Variants in GRID1 observed in about 807,000 individuals in gnomAD.
GRID1 encodes glutamate receptor ionotropic, delta-1.
Under a neutral mutation model 98.0 loss-of-function variants are expected in GRID1, and 28 were observed. The ratio of observed to expected loss-of-function variants is 0.29; its 90% CI spans 0.21 to 0.39. The LOEUF (loss-of-function observed/expected upper bound fraction) is 0.39. Among genes scored for constraint, GRID1 ranks in the 10% least tolerant of loss-of-function variants. The pLI is 1.00. For synonymous variants in GRID1, 553 were observed against 538.5 expected (o/e 1.03, Z -0.37); for missense variants, 1,111 against 1,340.5 (o/e 0.83, Z 2.67).
intron 2 of GRID1, among the ~76,000 whole-genome samples, chr10:86,275,381 C>T (rs929355431): frequency 9.2e-5 from 14 of 151,558 alleles, no homozygotes; most frequent in African/African-American, 3.4e-4. Flanking sequence ...AACAAGAAAA[C>T]ATGGCCCATT....
chr10:85,969,624 T>A (rs1842381885), intron 4 of GRID1, among the ~76,000 whole-genome samples: 1 of 151,814 alleles, frequency 6.6e-6, no homozygotes, highest in Non-Finnish European at 1.5e-5. Context: ...ACAAAGAAAA[T>A]TTTTTAAAAC....
intron 4 of GRID1, among the ~76,000 whole-genome samples, chr10:85,976,243 C>T (rs762682450): frequency 1.8e-4 from 27 of 152,190 alleles, no homozygotes; most frequent in Non-Finnish European, 3.8e-4. Flanking sequence ...GTGATCATTT[C>T]CTGTAGCAAT....
intron 8 of GRID1, among the ~76,000 whole-genome samples, chr10:85,803,547 A>G (rs1165261440): frequency 1.3e-5 from 2 of 152,068 alleles, no homozygotes; most frequent in Non-Finnish European, 2.9e-5. Context: ...CAAGCAGAAA[A>G]TATTCTGTGA....
chr10:85,808,882 T>C (rs1842644884), intron 8 of GRID1, among the ~76,000 whole-genome samples: 1 of 151,984 alleles, frequency 6.6e-6, no homozygotes. Flanking sequence ...AGAGATAAAA[T>C]AGTCAATAGA....
chr10:86,235,843 G>T (rs1176450033), intron 2 of GRID1, among the ~76,000 whole-genome samples: 1 of 152,208 alleles, frequency 6.6e-6, no homozygotes, highest in Non-Finnish European at 1.5e-5. Flanking sequence ...ACATAATGCT[G>T]CTATGAACAT....
At chr10:85,987,952 G>A (rs1842632675) in intron 4 of GRID1, among the ~76,000 whole-genome samples, 1 of 152,094 alleles carries the variant, frequency 6.6e-6, no homozygotes, top group Non-Finnish European at 1.5e-5. Context: ...CTCCATGAAA[G>A]TGGGTAATCA....
intron 4 of GRID1, among the ~76,000 whole-genome samples, chr10:86,115,548 T>C (rs1021216955): frequency 6.6e-6 from 1 of 152,334 alleles, no homozygotes; most frequent in East Asian, 1.9e-4. Flanking sequence ...AGGTAGGTAA[T>C]CTCATTACCC....
At chr10:86,225,967 G>A (rs1425343651) in intron 2 of GRID1, among the ~76,000 whole-genome samples, 1 of 152,114 alleles carries the variant, frequency 6.6e-6, no homozygotes, top group Non-Finnish European at 1.5e-5. Flanking sequence ...GGGGCCTCAT[G>A]GGGACCCACT....
chr10:85,735,883 GGGAGGGAA>G (rs1564574470), intron 8 of GRID1, among the ~76,000 whole-genome samples: 1 of 145,242 alleles, frequency 6.9e-6, no homozygotes, highest in Non-Finnish European at 1.5e-5. Flanking sequence ...GAAGGATGGA[GGGAGGGAA>G]GGAGGGAAAG....
intron 3 of GRID1, among the ~76,000 whole-genome samples, chr10:86,150,157 TC>T (rs1006661083): frequency 6.6e-6 from 1 of 152,192 alleles, no homozygotes. Flanking sequence ...GCATGGCATT[TC>T]CCCACAAGCT....
chr10:86,355,622 G>A (rs1055841490), intron 2 of GRID1, among the ~76,000 whole-genome samples: 3 of 152,186 alleles, frequency 2.0e-5, no homozygotes, highest in African/African-American at 4.8e-5. Context: ...CACACCTCAG[G>A]CCCAGAAAGG....
chr10:85,840,089 C>G lies in GRID1; in HGVS notation c.1233+14407G>C, dbSNP rs1658954259. Among the ~76,000 whole-genome samples, 4 of 152,004 alleles carry G rather than the reference C, an allele frequency of 2.6e-5. No homozygotes were observed. The South Asian group carries it at 8.3e-4, about 32-fold the overall frequency. ...AAACCCTGAACAGACTAATAATGAG[C>G]TCTGAAATTGAGGCCATAATAAATA... On this transcript the variant is annotated intron_variant, in intron 8 of 15. Transcript: ENST00000327946.
intron 5 of GRID1, among the ~76,000 whole-genome samples, chr10:85,888,025 T>G (rs367884504): frequency 7.2e-5 from 11 of 152,268 alleles, no homozygotes; most frequent in African/African-American, 2.6e-4. Flanking sequence ...AATTTTCAAT[T>G]AGCTCTTTAC....
chr10:86,111,439 G>C (rs1379709990), intron 4 of GRID1, among the ~76,000 whole-genome samples: 1 of 152,174 alleles, frequency 6.6e-6, no homozygotes, highest in Non-Finnish European at 1.5e-5. Context: ...AGGAATAGTT[G>C]CAACACAACA....
intron 8 of GRID1, among the ~76,000 whole-genome samples, chr10:85,771,271 C>T (rs1020027884): frequency 3.5e-4 from 54 of 152,274 alleles, no homozygotes; most frequent in African/African-American, 1.2e-3. Context: ...CAAGCAAATG[C>T]TGAGAGATTT....
intron 12 of GRID1, among the ~76,000 whole-genome samples, chr10:85,679,566 C>T (rs1396531963): frequency 6.6e-6 from 1 of 152,138 alleles, no homozygotes; most frequent in East Asian, 1.9e-4. Flanking sequence ...TATCAATGCC[C>T]TGGAGAAGCA....
chr10:85,876,478 A>G (rs1843333122), intron 5 of GRID1, among the ~76,000 whole-genome samples: 1 of 152,140 alleles, frequency 6.6e-6, no homozygotes, highest in Admixed American at 6.5e-5. Flanking sequence ...TAATCGCCCC[A>G]TCTCAAGATC....
rs143105552 is a variant in GRID1 at position 86,245,076 on chromosome 10, A to C, written c.236-38428T>G. Reference sequence around the variant, plus strand: ...TTTCATTTTTTCCTTTCTCCTCCTGAGGCGATGGCGGGGGACCTTAGGCAC... The same window carrying C: ...TTTCATTTTTTCCTTTCTCCTCCTGCGGCGATGGCGGGGGACCTTAGGCAC... On this transcript the variant is annotated intron_variant, in intron 2 of 15. Coordinates refer to ENST00000327946, the MANE Select transcript of GRID1 (RefSeq NM_017551.3). 1.4e-4 allele frequency among the ~76,000 whole-genome samples: 21 copies of C among 152,290 alleles called. 1 individual carries two copies. The East Asian group carries it at 4.1e-3, about 29-fold the overall frequency.
rs1435654687 is a variant in GRID1, at chr10:86,294,968, G to A, written c.235+68973C>T. 2.0e-5 allele frequency among the ~76,000 whole-genome samples: 3 copies of A among 152,290 alleles called. No individual in the cohort carries two copies. The East Asian group carries it at 5.8e-4, about 29-fold the overall frequency. The stretch of plus-strand genomic sequence containing the variant: ...TGAGCCCGGGGAACAGTGGGGGCGG[G>A]ACAGGTAAGGAAAGGACTGAGATTG... On this transcript the variant is annotated intron_variant, in intron 2 of 15. Transcript: ENST00000327946.
Sources: allele counts gnomAD v4.1 joint callset (sites outside exome capture counted in the v4.1 genomes callset), GRCh38; gene constraint gnomAD v4.1.1; transcripts MANE v1.5; gene names NCBI Gene and HGNC (gene_info 2026-07-23, HGNC 2026-07-21).